The following PPP2R2B variants were observed in gnomAD, a reference collection of about 807,000 sequenced individuals.
PPP2R2B encodes the protein protein phosphatase 2 regulatory subunit Bbeta.
PPP2R2B carries 5 observed loss-of-function variants against 46.0 expected under a neutral mutation model. That is an observed-to-expected ratio of 0.11 (90% CI 0.06 to 0.23). The LOEUF is 0.23. Among genes scored for constraint, PPP2R2B ranks in the 10% least tolerant of loss-of-function variants. The pLI, the probability that PPP2R2B is intolerant of heterozygous loss-of-function variation, is 1.00. For missense variants in PPP2R2B, 367 were observed against 575.0 expected, an observed-to-expected ratio of 0.64 and a Z score of 3.70; for synonymous variants, 215 against 206.7, an observed-to-expected ratio of 1.04 and a Z score of -0.34.
intron 1 of PPP2R2B, among the ~76,000 whole-genome samples, chr5:146,938,140 A>T (rs1357247651): frequency 6.6e-6 from 1 of 152,200 alleles, no homozygotes; most frequent in African/African-American, 2.4e-5. Context: ...ACTATTGATT[A>T]TAGGGTATGC....
chr5:146,920,055 A>G (rs1028491849), intron 1 of PPP2R2B, among the ~76,000 whole-genome samples: 1 of 152,186 alleles, frequency 6.6e-6, no homozygotes, highest in African/African-American at 2.4e-5. Flanking sequence ...CTTTGTGAGA[A>G]GTGAGAAAAC....
chr5:146,802,166 G>A (rs1462820023), intron 2 of PPP2R2B, among the ~76,000 whole-genome samples: 3 of 152,260 alleles, frequency 2.0e-5, no homozygotes. Flanking sequence ...CAAATTTCAT[G>A]CTCTAGTCCC....
At chr5:146,736,518 C>T (rs968383972) in intron 2 of PPP2R2B, among the ~76,000 whole-genome samples, 5 of 152,100 alleles carry the variant, frequency 3.3e-5, no homozygotes, top group African/African-American at 1.2e-4. Flanking sequence ...ATGCTGACAT[C>T]CAAACCTCAT....
intron 1 of PPP2R2B, among the ~76,000 whole-genome samples, chr5:147,026,521 G>C (rs1175656580): frequency 1.3e-5 from 2 of 151,986 alleles, no homozygotes; most frequent in Non-Finnish European, 2.9e-5. Context: ...ATTAGTGATA[G>C]TTTCATGTGT....
chr5:146,587,882 C>CTTAAG lies in PPP2R2B; in HGVS notation c.*2060_*2064dup, dbSNP rs1205196727. The CTTAAG allele has an allele frequency of 1.3e-5, 2 of 152,112 alleles. No individual in the cohort carries two copies. The highest frequency in any genetic ancestry group is 2.4e-5 in the African/African-American group (1 of 41,420). 9.4% of individuals were successfully genotyped at this position (152,112 alleles called of 1,614,324 possible). A position where few individuals can be genotyped will look rare whatever the true frequency, so the allele number is the denominator to read the frequency against. On this transcript the variant is annotated 3_prime_UTR_variant, in exon 10 of 10. Transcript: ENST00000394411. Reference sequence around the variant, plus strand: ...GTAATAGTACAAATGTGAGTTGATTCTTAAGTTTGAGATACAATGATTGGT... The same window carrying CTTAAG: ...GTAATAGTACAAATGTGAGTTGATTCTTAAGTTAAGTTTGAGATACAATGATTGGT...
chr5:146,843,968 T>C (rs923434529), intron 2 of PPP2R2B, among the ~76,000 whole-genome samples: 11 of 151,942 alleles, frequency 7.2e-5, no homozygotes, highest in African/African-American at 2.4e-4. Context: ...ATATACCCAG[T>C]AATGGGATGG....
intron 1 of PPP2R2B, among the ~76,000 whole-genome samples, chr5:147,008,456 G>A (rs1037042978): frequency 6.6e-6 from 1 of 152,144 alleles, no homozygotes; most frequent in African/African-American, 2.4e-5. Flanking sequence ...TGTCTATGCT[G>A]TCTTTCCTCA....
chr5:146,995,300 G>T (rs2013009), intron 1 of PPP2R2B, among the ~76,000 whole-genome samples: 4 of 152,042 alleles, frequency 2.6e-5, no homozygotes, highest in Non-Finnish European at 4.4e-5. Flanking sequence ...CCCAGTACTT[G>T]CCCAGTTTCT....
intron 1 of PPP2R2B, among the ~76,000 whole-genome samples, chr5:147,036,324 G>T (rs1756033283): frequency 6.6e-6 from 1 of 152,116 alleles, no homozygotes; most frequent in Admixed American, 6.5e-5. Context: ...CTCCATCCAT[G>T]TCCCTGAAAA....
intron 1 of PPP2R2B, among the ~76,000 whole-genome samples, chr5:146,977,183 C>T (rs1432811853): frequency 1.3e-5 from 2 of 151,996 alleles, no homozygotes; most frequent in African/African-American, 4.8e-5. Flanking sequence ...GTCCAAGCTC[C>T]CATTATATTA....
At chr5:146,774,067 GA>G (rs1755028970) in intron 2 of PPP2R2B, among the ~76,000 whole-genome samples, 1 of 152,140 alleles carries the variant, frequency 6.6e-6, no homozygotes, top group Admixed American at 6.5e-5. Flanking sequence ...GAATTCTGTG[GA>G]CTTATAAGCC....
intron 1 of PPP2R2B, among the ~76,000 whole-genome samples, chr5:146,963,607 T>A (rs755150578): frequency 6.6e-6 from 1 of 152,242 alleles, no homozygotes; most frequent in Non-Finnish European, 1.5e-5. Flanking sequence ...TCTGAACATA[T>A]ACGGCACCTT....
chr5:147,058,123 G>A (rs568330363), upstream of PPP2R2B, among the ~76,000 whole-genome samples: 17 of 152,266 alleles, frequency 1.1e-4, no homozygotes, highest in South Asian at 3.3e-3. Context: ...CTCACCTAGT[G>A]CCTGCACAAA....
intron 1 of PPP2R2B, among the ~76,000 whole-genome samples, chr5:146,987,810 C>T (rs1753499848): frequency 6.6e-6 from 1 of 151,790 alleles, no homozygotes; most frequent in South Asian, 2.1e-4. Flanking sequence ...GGACTACATT[C>T]TCTAGCTGAA....
At chr5:146,633,335 TTGAACTCTGA>T (rs1319285913) in intron 7 of PPP2R2B, among the ~76,000 whole-genome samples, 1 of 152,212 alleles carries the variant, frequency 6.6e-6, no homozygotes, top group African/African-American at 2.4e-5. Flanking sequence ...GCTTTTCATT[TTGAACTCTGA>T]TGAACTGTCT....
At chr5:146,725,468 A>G (rs2151198999) in intron 2 of PPP2R2B, among the ~76,000 whole-genome samples, 1 of 152,342 alleles carries the variant, frequency 6.6e-6, no homozygotes, top group South Asian at 2.1e-4. Flanking sequence ...TAGGATATGC[A>G]TGCATGCATC....
intron 2 of PPP2R2B, among the ~76,000 whole-genome samples, chr5:146,857,255 C>G (rs1322124033): frequency 6.6e-6 from 1 of 151,828 alleles, no homozygotes; most frequent in Non-Finnish European, 1.5e-5. Flanking sequence ...TGCAAGCGTT[C>G]AGAAGTATGA....
chr5:146,707,489 A>C (rs371730816), intron 2 of PPP2R2B: 150 of 742,594 alleles, frequency 2.0e-4, no homozygotes, highest in African/African-American at 2.0e-3. Context: ...CACTCAGGAG[A>C]AGCTCAAGGA....
At chr5:147,017,661 G>C (rs1463365143) in intron 1 of PPP2R2B, among the ~76,000 whole-genome samples, 1 of 149,044 alleles carries the variant, frequency 6.7e-6, no homozygotes, top group Non-Finnish European at 1.5e-5. Context: ...TCAGGAAAGA[G>C]GGATTGATCA....
Sources: allele counts gnomAD v4.1 joint callset (sites outside exome capture counted in the v4.1 genomes callset), GRCh38; gene constraint gnomAD v4.1.1; transcripts MANE v1.5; gene names NCBI Gene and HGNC (gene_info 2026-07-23, HGNC 2026-07-21).